Variants in MAN1B1 observed in about 807,000 individuals in gnomAD.
MAN1B1 encodes the protein endoplasmic reticulum mannosyl-oligosaccharide 1,2-alpha-mannosidase.
Under a neutral mutation model 75.5 loss-of-function variants are expected in MAN1B1, and 66 were observed. The ratio of observed to expected loss-of-function variants is 0.87; its 90% CI spans 0.72 to 1.07. MAN1B1 has a LOEUF of 1.07. MAN1B1 is among the 50% of genes least tolerant of loss of function. MAN1B1 has a pLI of 0.00. For missense variants in MAN1B1, 973 were observed against 912.5 expected (o/e 1.07, Z -0.85); for synonymous variants, 453 against 382.8 (o/e 1.18, Z -2.14).
intron 12 of MAN1B1, 155 bp from the exon 13 acceptor site, chr9:137,108,233 C>A (rs772163894): frequency 2.9e-6 from 2 of 694,340 alleles, no homozygotes; most frequent in Non-Finnish European, 2.5e-6. Context: ...TGGAACCACA[C>A]GGCTCGCCTG....
At chr9:137,095,723 C>T (rs1459796587) in intron 3 of MAN1B1, among the ~76,000 whole-genome samples, 4 of 152,126 alleles carry the variant, frequency 2.6e-5, no homozygotes, top group South Asian at 2.1e-4. Flanking sequence ...GAGCAGAGGA[C>T]GGGGCTCTGT....
At chr9:137,101,949 G>A (rs771191992) in intron 8 of MAN1B1, 88 of 585,398 alleles carry the variant, frequency 1.5e-4, no homozygotes, top group South Asian at 9.8e-4. Flanking sequence ...TGTTGCAGGC[G>A]TACAGGTCAG....
chr9:137,103,072 C>G (rs1830932472), intron 8 of MAN1B1: 1 of 398,556 alleles, frequency 2.5e-6, no homozygotes, highest in Non-Finnish European at 4.8e-6. Context: ...GTGTTACACA[C>G]ATTCACACTT....
intron 2 of MAN1B1, 157 bp downstream of exon 2, chr9:137,088,340 A>C: frequency 1.3e-6 from 2 of 1,598,602 alleles, no homozygotes; most frequent in African/African-American, 2.7e-5. Flanking sequence ...GTATGTAACC[A>C]CCTGGCTAGA....
At chr9:137,095,374 A>T (rs10870178) in intron 3 of MAN1B1, among the ~76,000 whole-genome samples, 41,611 of 144,222 alleles carry the variant, frequency 0.29, 5,945 homozygotes, top group Non-Finnish European at 0.32. Context: ...TTCCTTTTTT[A>T]AAAAAAAAAA....
intron 3 of MAN1B1, among the ~76,000 whole-genome samples, chr9:137,095,758 C>T (rs1830635641): frequency 6.6e-6 from 1 of 152,094 alleles, no homozygotes; most frequent in Non-Finnish European, 1.5e-5. Flanking sequence ...AAACAGGGAA[C>T]AGGGTGGTGG....
chr9:137,108,079 G>A (rs1831182639), intron 12 of MAN1B1: 1 of 605,416 alleles, frequency 1.7e-6, no homozygotes, highest in Admixed American at 2.9e-5. Flanking sequence ...TTGGCCTGAG[G>A]CCCCCGCTGC....
chr9:137,100,977 C>T, intron 6 of MAN1B1, 28 bp from the exon 7 acceptor site: 1 of 1,613,818 alleles, frequency 6.2e-7, no homozygotes, highest in Non-Finnish European at 8.5e-7. Context: ...CCATTTGTCT[C>T]TGCATCCTTT....
chr9:137,096,876 C>T (rs76199364), intron 4 of MAN1B1, among the ~76,000 whole-genome samples: 251 of 152,358 alleles, frequency 1.6e-3, no homozygotes, highest in Non-Finnish European at 3.2e-3. Context: ...CTCCATGTTA[C>T]GCTCTTAGAA....
intron 12 of MAN1B1, 22 bp from the exon 13 acceptor site, chr9:137,108,366 C>T (rs565164615): frequency 1.4e-5 from 22 of 1,608,270 alleles, no homozygotes; most frequent in African/African-American, 2.7e-5. Context: ...CGTGTGGTGA[C>T]GAGGCCCTGG....
intron 8 of MAN1B1, chr9:137,104,837 TGA>T (rs1387605445): frequency 6.6e-6 from 1 of 151,916 alleles, no homozygotes; most frequent in Non-Finnish European, 1.5e-5. Context: ...TTGGGTGTTG[TGA>T]GTGTGGGTGC....
At position 137,106,154 on chromosome 9, in the gene MAN1B1, C is replaced by T. The variant is rs779030233; in HGVS notation, c.1284C>T (p.Ile428=). 2.2e-5 allele frequency: 36 copies of T among 1,612,914 alleles called. No individual in the cohort carries two copies. Among genetic ancestry groups the T allele is most frequent in the Middle Eastern group, 1.6e-4 (1 of 6,084 alleles). ...CAGTGGAGAAGGTGACACAGCACATCCACGGCCTGTCTGGGAAGAAGGATG... is the reference window on the plus strand; with the variant it reads ...CAGTGGAGAAGGTGACACAGCACATTCACGGCCTGTCTGGGAAGAAGGATG... ...QEAVEKVTQH[I]HGLSGKKDGL... Residue 428 remains isoleucine, a synonymous_variant, in exon 9 of 13, where the codon ATC becomes ATT. Coordinates refer to ENST00000371589, the MANE Select transcript of MAN1B1 (RefSeq NM_016219.5).
At chr9:137,087,971 TG>T in intron 1 of MAN1B1, 103 bp from the exon 2 acceptor site, 1 of 951,270 alleles carries the variant, frequency 1.1e-6, no homozygotes, top group Non-Finnish European at 1.7e-6. Context: ...AGCTGAACAC[TG>T]GATCTTCCAG....
At position 137,106,150 on chromosome 9, in the gene MAN1B1, A is replaced by G. The variant is rs369865587; in HGVS notation, c.1280A>G (p.His427Arg). 2 of 1,612,898 alleles carry G rather than the reference A, an allele frequency of 1.2e-6. No homozygotes were observed. The highest frequency in any genetic ancestry group is 2.7e-5 in the African/African-American group (2 of 74,934). ...GAGGCAGTGGAGAAGGTGACACAGC[A>G]CATCCACGGCCTGTCTGGGAAGAAG... is the stretch of plus-strand genomic sequence containing the variant. Reference protein sequence around the residue: ...FQEAVEKVTQHIHGLSGKKDG... With the variant: ...FQEAVEKVTQRIHGLSGKKDG... The change falls in exon 9 of 13, where the codon CAC becomes CGC. Residue 427 changes from histidine (H) to arginine (R), a missense_variant. His to Arg is a conservative substitution (Grantham distance 29). Coordinates refer to ENST00000371589, the MANE Select transcript of MAN1B1 (RefSeq NM_016219.5).
chr9:137,106,103 A>G (rs1280535438), intron 8 of MAN1B1, 22 bp from the exon 9 acceptor site: 1 of 1,607,218 alleles, frequency 6.2e-7, no homozygotes, highest in Non-Finnish European at 8.5e-7. Context: ...CAGTAAACCC[A>G]CCATCCCCCT....
rs758307540 is a variant in MAN1B1 at position 137,087,110 on chromosome 9, G to C, written c.111G>C (p.Met37Ile). The change falls in exon 1 of 13, where the codon ATG becomes ATC. Residue 37 changes from methionine to isoleucine, a missense_variant. Physicochemically the swap from Met to Ile is conservative, Grantham distance 10. Coordinates refer to ENST00000371589, the MANE Select transcript of MAN1B1 (RefSeq NM_016219.5). ...APWAVATTVV[M>I]YPPPPPPPHR... ...GGGCCGTCGCCACCACTGTAGTCAT[G>C]TACCCACCGCCGCCGCCGCCGCCTC... is the stretch of plus-strand genomic sequence containing the variant. 6 of 1,595,124 alleles carry C rather than the reference G, an allele frequency of 3.8e-6. No homozygotes were observed. In the Middle Eastern group the frequency reaches 6.7e-4, roughly 178 times the overall value.
chr9:137,097,480 A>G (rs1390034026), intron 4 of MAN1B1, among the ~76,000 whole-genome samples: 1 of 152,104 alleles, frequency 6.6e-6, no homozygotes, highest in Non-Finnish European at 1.5e-5. Context: ...TCTTGGGGCC[A>G]CCTCACTGTC....
chr9:137,089,043 TCA>T, intron 3 of MAN1B1, 38 bp downstream of exon 3: 4 of 1,612,998 alleles, frequency 2.5e-6, no homozygotes, highest in Non-Finnish European at 3.4e-6. Context: ...TAACTGGGGT[TCA>T]ATCCAGAGGC....
chr9:137,087,772 C>T (rs1298188986), intron 1 of MAN1B1, among the ~76,000 whole-genome samples: 1 of 152,228 alleles, frequency 6.6e-6, no homozygotes, highest in African/African-American at 2.4e-5. Flanking sequence ...GTCTCATCTG[C>T]ACCACTGTAT....
Sources: gnomAD v4.1 joint callset for allele counts (sites outside exome capture counted in the v4.1 genomes callset) on GRCh38, gnomAD v4.1.1 for gene constraint, MANE v1.5 for transcripts, NCBI Gene and HGNC (gene_info 2026-07-23, HGNC 2026-07-21) for gene names.